TRIB3: variants seen among roughly 807,000 people sequenced by gnomAD.
The protein encoded by TRIB3 is tribbles homolog 3.
A neutral mutation model predicts 16.6 loss-of-function variants in TRIB3; 20 were observed. That is an observed-to-expected ratio of 1.20 (90% CI 0.85 to 1.75). The LOEUF is 1.75. TRIB3 is among the 40% of genes most tolerant of loss of function. TRIB3 has a pLI of 0.00. For synonymous variants in TRIB3, 208 were observed against 217.0 expected (o/e 0.96, Z 0.36); for missense variants, 484 against 488.9 (o/e 0.99, Z 0.10).
In TRIB3 at chr20:388,251, C is replaced by A; in HGVS notation, c.241C>A (p.Arg81=). The change falls in exon 2 of 4, where the codon CGG becomes AGG. Residue 81 remains arginine, a synonymous_variant. Coordinates refer to ENST00000217233, the MANE Select transcript of TRIB3 (RefSeq NM_021158.5). ...YVLLEPEEGG[R]AYQALHCPTG... is the part of the protein sequence containing the mutation. Reference sequence around the variant, plus strand: ...CCTCCTGGAGCCCGAGGAGGGCGGGCGGGCCTACCAGGCCCTGCACTGCCC... The same window carrying A: ...CCTCCTGGAGCCCGAGGAGGGCGGGAGGGCCTACCAGGCCCTGCACTGCCC... The A allele has an allele frequency of 1.2e-6, 2 of 1,613,356 alleles. No homozygotes were observed. The highest frequency in any genetic ancestry group is 1.7e-6 in the Non-Finnish European group (2 of 1,179,996).
intron 1 of TRIB3, among the ~76,000 whole-genome samples, chr20:384,483 C>A (rs1276211226): frequency 1.3e-5 from 2 of 152,140 alleles, no homozygotes; most frequent in African/African-American, 4.8e-5. Flanking sequence ...CCTGCCTCAG[C>A]CTCCCGAGTA....
Position 388,785 on chromosome 20 carries a change from G to A in TRIB3, c.291+484G>A, listed in dbSNP as rs533925881. On this transcript the variant is annotated intron_variant, in intron 2 of 3. Transcript: ENST00000217233. Reference sequence around the variant, plus strand: ...CAAGGGGCCTCCACTGGGCTGTGCGGAGCTACTGAAGATGTTTGCACAAGA... The same window carrying A: ...CAAGGGGCCTCCACTGGGCTGTGCGAAGCTACTGAAGATGTTTGCACAAGA... Among the ~76,000 whole-genome samples, 13 of 152,288 alleles carry A rather than the reference G, an allele frequency of 8.5e-5. No homozygotes were observed. The South Asian group carries it at 2.5e-3, about 29-fold the overall frequency.
rs1377888625 is a variant in TRIB3 at position 396,283 on chromosome 20, G to A, written c.670G>A (p.Ala224Thr). Residue 224 changes from alanine to threonine, a missense_variant, in exon 4 of 4, where the codon GCC becomes ACC. Ala to Thr is a moderately conservative substitution (Grantham distance 58). Coordinates refer to ENST00000217233, the MANE Select transcript of TRIB3 (RefSeq NM_021158.5). ...DSLWDKHACPAYVGPEILSSR... is the reference protein window; with the variant it reads ...DSLWDKHACPTYVGPEILSSR... ...CCTGTGGGACAAGCACGCGTGCCCA[G>A]CCTACGTGGGACCTGAGATACTCAG... The A allele has an allele frequency of 6.2e-7, 1 of 1,613,926 alleles. No individual in the cohort carries two copies. The highest frequency in any genetic ancestry group is 1.7e-5 in the Admixed American group (1 of 60,018).
At chr20:391,620 G>A (rs1476926288) in intron 3 of TRIB3, 41 bp downstream of exon 3, 2 of 1,581,304 alleles carry the variant, frequency 1.3e-6, no homozygotes, top group African/African-American at 2.7e-5. Flanking sequence ...GACACACCCA[G>A]GGGGTGGGCC....
intron 2 of TRIB3, 118 bp from the exon 3 acceptor site, chr20:391,169 G>C: frequency 8.7e-7 from 1 of 1,146,656 alleles, no homozygotes; most frequent in Non-Finnish European, 1.2e-6. Context: ...GGTCAGTGAA[G>C]CGCTTGGTGC....
At position 388,062 on chromosome 20, in the gene TRIB3, C is replaced by A. The variant is rs559951555; in HGVS notation, c.52C>A (p.Arg18=). 1.2e-6 allele frequency: 2 copies of A among 1,614,122 alleles called. No homozygotes were observed. Among genetic ancestry groups the A allele is most frequent in the East Asian group, 4.5e-5 (2 of 44,884 alleles). ...APAGSLSRKK[R]LELDDNLDTE... is the part of the protein sequence containing the mutation. ...TGCGGGTTCCCTGTCCAGGAAGAAG[C>A]GGTTGGAGTTGGATGACAACTTAGA... The change falls in exon 2 of 4, where the codon CGG becomes AGG. Residue 18 remains arginine, a synonymous_variant. Transcript: ENST00000217233.
intron 2 of TRIB3, among the ~76,000 whole-genome samples, chr20:389,897 T>G (rs1184558850): frequency 6.6e-6 from 1 of 152,204 alleles, no homozygotes; most frequent in Admixed American, 6.5e-5. Context: ...GATCAACTTA[T>G]TCATTAATTC....
intron 1 of TRIB3, among the ~76,000 whole-genome samples, chr20:387,433 A>G (rs2122677377): frequency 6.6e-6 from 1 of 152,018 alleles, no homozygotes; most frequent in South Asian, 2.1e-4. Flanking sequence ...TATTCTTTTT[A>G]ACATAAAAGT....
Position 396,297 on chromosome 20 carries a change from T to C in TRIB3, c.684T>C (p.Pro228=), listed in dbSNP as rs908176200. Residue 228 remains proline, a synonymous_variant, in exon 4 of 4, where the codon CCT becomes CCC. Coordinates refer to ENST00000217233, the MANE Select transcript of TRIB3 (RefSeq NM_021158.5). ...DKHACPAYVG[P]EILSSRASYS... ...ACGCGTGCCCAGCCTACGTGGGACC[T>C]GAGATACTCAGCTCACGGGCCTCAT... 6.2e-7 allele frequency: 1 copy of C among 1,613,910 alleles called. No homozygotes were observed. Among genetic ancestry groups the C allele is most frequent in the Non-Finnish European group, 8.5e-7 (1 of 1,180,038 alleles).
At chr20:394,461 C>G (rs913445741) in intron 3 of TRIB3, among the ~76,000 whole-genome samples, 2 of 152,116 alleles carry the variant, frequency 1.3e-5, no homozygotes, top group Non-Finnish European at 1.5e-5. Context: ...ACAACTACCC[C>G]GGACCTCCTG....
chr20:393,337 CTT>C (rs34033217), intron 3 of TRIB3, among the ~76,000 whole-genome samples: 2 of 148,188 alleles, frequency 1.3e-5, no homozygotes, highest in African/African-American at 4.9e-5. Flanking sequence ...GACCTTGACA[CTT>C]TTTTTTTTTT....
At position 392,724 on chromosome 20, in the gene TRIB3, T is replaced by C. The variant is rs373620653; in HGVS notation, c.584+1145T>C. 1.7e-4 allele frequency among the ~76,000 whole-genome samples: 26 copies of C among 152,032 alleles called. No individual in the cohort carries two copies. The East Asian group carries it at 2.7e-3, about 16-fold the overall frequency. On this transcript the variant is annotated intron_variant, in intron 3 of 3. Coordinates refer to ENST00000217233, the MANE Select transcript of TRIB3 (RefSeq NM_021158.5). ...GGCATGCGCCACCATGCCTGGCTCA[T>C]TTTTTCTATGTTTAGTAGAAACGGG...
At position 396,908 on chromosome 20, in the gene TRIB3, C is replaced by T; in HGVS notation, c.*218C>T. The T allele has an allele frequency of 1.6e-6, 1 of 613,140 alleles. No individual in the cohort carries two copies. The highest frequency in any genetic ancestry group is 2.7e-6 in the Non-Finnish European group (1 of 365,470). 38.0% of individuals were successfully genotyped at this position (613,140 alleles called of 1,614,324 possible). A position where few individuals can be genotyped will look rare whatever the true frequency, so the allele number is the denominator to read the frequency against. ...CAGGTGCCAAGCCCTGTTCTCGGTG[C>T]TGGGAGTACAGCAGTGAGCAAAGGA... On this transcript the variant is annotated 3_prime_UTR_variant, in exon 4 of 4. Coordinates refer to ENST00000217233, the MANE Select transcript of TRIB3 (RefSeq NM_021158.5).
intron 1 of TRIB3, 141 bp from the exon 2 acceptor site, chr20:387,870 A>C (rs1568533828): frequency 2.1e-5 from 21 of 987,190 alleles, no homozygotes; most frequent in Non-Finnish European, 3.1e-5. Flanking sequence ...GCACCCAGTT[A>C]AGGATATGTG....
At chr20:382,705 A>G in intron 1 of TRIB3, 2 of 940,450 alleles carry the variant, frequency 2.1e-6, no homozygotes, top group Admixed American at 2.0e-5. Context: ...TCCTGTTCCC[A>G]CTTTACAGGA....
chr20:386,037 T>TAAA (rs1568532885), intron 1 of TRIB3, among the ~76,000 whole-genome samples: 7 of 151,154 alleles, frequency 4.6e-5, no homozygotes, highest in African/African-American at 1.5e-4. Context: ...AAAAAAAAAT[T>TAAA]TTTTTTTGTA....
chr20:397,158 A>T lies in TRIB3; in HGVS notation c.*468A>T, dbSNP rs2015152787. The T allele has an allele frequency of 6.4e-6, 1 of 157,330 alleles. No individual in the cohort carries two copies. Among genetic ancestry groups the T allele is most frequent in the African/African-American group, 2.4e-5 (1 of 41,492 alleles). 9.7% of individuals were successfully genotyped at this position (157,330 alleles called of 1,614,324 possible). A position where few individuals can be genotyped will look rare whatever the true frequency, so the allele number is the denominator to read the frequency against. On this transcript the variant is annotated 3_prime_UTR_variant, in exon 4 of 4. Coordinates refer to ENST00000217233, the MANE Select transcript of TRIB3 (RefSeq NM_021158.5). ...AGAGAAAGGGAGGTATCCCTGTGCC[A>T]AAGGCTCCAGGCCTCTCCCCTGCAA...
At chr20:387,391 A>C (rs2014847495) in intron 1 of TRIB3, among the ~76,000 whole-genome samples, 1 of 151,988 alleles carries the variant, frequency 6.6e-6, no homozygotes, top group Non-Finnish European at 1.5e-5. Flanking sequence ...ATATTCAAAC[A>C]AATACATACA....
At chr20:387,913 C>T in intron 1 of TRIB3, 98 bp from the exon 2 acceptor site, 1 of 1,385,940 alleles carries the variant, frequency 7.2e-7, no homozygotes, top group South Asian at 1.3e-5. Context: ...TGCCAGATCA[C>T]CCCCTATAAA....
Sources: allele counts gnomAD v4.1 joint callset (sites outside exome capture counted in the v4.1 genomes callset), GRCh38; gene constraint gnomAD v4.1.1; transcripts MANE v1.5; gene names NCBI Gene and HGNC (gene_info 2026-07-23, HGNC 2026-07-21).